SGK3: variants seen among roughly 807,000 people sequenced by gnomAD.
SGK3 encodes the protein serum/glucocorticoid regulated kinase family member 3.
A neutral mutation model predicts 68.5 loss-of-function variants in SGK3; 47 were observed. The observed-to-expected ratio is 0.69, with a 90% CI of 0.54 to 0.87. The LOEUF (loss-of-function observed/expected upper bound fraction) is 0.87. Among genes scored for constraint, SGK3 ranks in the 40% least tolerant of loss-of-function variants. The pLI, the probability that SGK3 is intolerant of heterozygous loss-of-function variation, is 0.00. For missense variants in SGK3, 479 were observed against 575.5 expected (o/e 0.83, Z 1.72); for synonymous variants, 181 against 189.1 (o/e 0.96, Z 0.35).
At position 66,778,859 on chromosome 8, in the gene SGK3, G is replaced by T. The variant is rs563229418; in HGVS notation, c.-121-14757G>T. On this transcript the variant is annotated intron_variant, in intron 1 of 16. Coordinates refer to ENST00000521198, the MANE Select transcript of SGK3 (RefSeq NM_001033578.3). ...TTTTAAAAGTACGCAGTAAATTCAG[G>T]AAACCATCAGGAGAAGACAACTTTA... is the stretch of plus-strand genomic sequence containing the variant. Among the ~76,000 whole-genome samples, 416 of 152,240 alleles carry T rather than the reference G, an allele frequency of 2.7e-3. 2 individuals are homozygous for T. Among genetic ancestry groups the T allele is most frequent in the Non-Finnish European group, 4.3e-3 (294 of 68,008 alleles).
chr8:66,739,607 G>A (rs1805423098), intron 1 of SGK3, among the ~76,000 whole-genome samples: 2 of 152,062 alleles, frequency 1.3e-5, no homozygotes, highest in Non-Finnish European at 1.5e-5. Context: ...TGTTGGCCAG[G>A]CTGGTCTTAA....
At chr8:66,718,057 A>G (rs1449275020) in intron 1 of SGK3, among the ~76,000 whole-genome samples, 2 of 140,540 alleles carry the variant, frequency 1.4e-5, no homozygotes, top group African/African-American at 5.3e-5. Context: ...ATGGAGTCTC[A>G]GTCTGTCACC....
chr8:66,810,680 A>G (rs1010914722), intron 4 of SGK3, among the ~76,000 whole-genome samples: 10 of 152,240 alleles, frequency 6.6e-5, no homozygotes, highest in Non-Finnish European at 1.5e-4. Context: ...CAGCCTAGGC[A>G]ACAAGAATGA....
intron 1 of SGK3, among the ~76,000 whole-genome samples, chr8:66,792,605 G>A (rs192660762): frequency 6.6e-6 from 1 of 152,228 alleles, no homozygotes; most frequent in African/African-American, 2.4e-5. Flanking sequence ...TAGTCTGGGT[G>A]CGGTGGCTCA....
chr8:66,857,799 ATGTGTGTGTGTGTGTGTGTGTGTG>A (rs111758415), intron 16 of SGK3, among the ~76,000 whole-genome samples: 3 of 133,714 alleles, frequency 2.2e-5, no homozygotes, highest in East Asian at 2.2e-4. Context: ...GTGTGTGTGT[ATGTGTGTGTGTGTGTGTGTGTGTG>A]TGTGTGTGTG....
rs759294219 is a variant in SGK3 at position 66,738,946 on chromosome 8, A to G, written c.-122+26113A>G. 5.3e-5 allele frequency among the ~76,000 whole-genome samples: 8 copies of G among 152,046 alleles called. No individual in the cohort carries two copies. The South Asian group carries it at 1.5e-3, about 28-fold the overall frequency. On this transcript the variant is annotated intron_variant, in intron 1 of 16. Transcript: ENST00000521198. ...CGCCCAGCCTAGAGTCACTTTCTTT[A>G]GGACATCTTTCCTGTAACCATTTTT...
chr8:66,848,240 G>A (rs1464994866), intron 15 of SGK3, among the ~76,000 whole-genome samples: 1 of 152,090 alleles, frequency 6.6e-6, no homozygotes, highest in East Asian at 1.9e-4. Flanking sequence ...GACAGAGATT[G>A]CAGCTCTAGA....
At chr8:66,741,657 AG>A (rs1805483466) in intron 1 of SGK3, among the ~76,000 whole-genome samples, 1 of 152,142 alleles carries the variant, frequency 6.6e-6, no homozygotes, top group Admixed American at 6.5e-5. Flanking sequence ...GCTTGAGCCT[AG>A]GAGTTTGAGA....
chr8:66,769,521 G>A (rs1201341447), intron 1 of SGK3, among the ~76,000 whole-genome samples: 1 of 152,190 alleles, frequency 6.6e-6, no homozygotes. Flanking sequence ...ACCGCACCCG[G>A]CCTTAATTCT....
intron 10 of SGK3, 28 bp from the exon 11 acceptor site, chr8:66,839,974 TC>T: frequency 6.3e-7 from 1 of 1,593,510 alleles, no homozygotes; most frequent in Admixed American, 1.7e-5. Context: ...ACATTCTCTC[TC>T]CCCCCACCCC....
chr8:66,845,179 A>G (rs1216837694), intron 14 of SGK3, among the ~76,000 whole-genome samples: 1 of 152,170 alleles, frequency 6.6e-6, no homozygotes, highest in Admixed American at 6.5e-5. Flanking sequence ...CAGGCAGATC[A>G]CCTTAGGTCA....
At chr8:66,821,976 T>C (rs1808849619) in intron 5 of SGK3, among the ~76,000 whole-genome samples, 1 of 94,280 alleles carries the variant, frequency 1.1e-5, no homozygotes, top group Non-Finnish European at 2.0e-5. Flanking sequence ...TGAACATTTC[T>C]CTTTCCCTAT....
Position 66,744,454 on chromosome 8 carries a change from C to G in SGK3, c.-122+31621C>G, listed in dbSNP as rs563654991. ...TATTTCTGTTATTTGGTGAAATTATCAAATATATATGCATATATGTGTGTG... is the reference window on the plus strand; with the variant it reads ...TATTTCTGTTATTTGGTGAAATTATGAAATATATATGCATATATGTGTGTG... On this transcript the variant is annotated intron_variant, in intron 1 of 16. Coordinates refer to ENST00000521198, the MANE Select transcript of SGK3 (RefSeq NM_001033578.3). Among the ~76,000 whole-genome samples, 353 of 111,558 alleles carry G rather than the reference C, an allele frequency of 3.2e-3. 3 individuals carry two copies. The highest frequency in any genetic ancestry group is 0.011 in the African/African-American group (346 of 32,384). The allele number at this position is 111,558 out of a possible 152,430, so 73.2% of individuals were successfully genotyped here. A position where few individuals can be genotyped will look rare whatever the true frequency, so the allele number is the denominator to read the frequency against.
chr8:66,801,955 G>A (rs1312908573), intron 3 of SGK3, among the ~76,000 whole-genome samples: 1 of 152,088 alleles, frequency 6.6e-6, no homozygotes, highest in Non-Finnish European at 1.5e-5. Context: ...ACTTGTTTGG[G>A]GTACCTCCAT....
chr8:66,771,041 C>CT (rs1806494911), intron 1 of SGK3, among the ~76,000 whole-genome samples: 1 of 152,146 alleles, frequency 6.6e-6, no homozygotes, highest in Non-Finnish European at 1.5e-5. Context: ...TTTTCTGTCT[C>CT]TTTTTCGTTT....
At chr8:66,813,146 T>A (rs1157679674) in intron 4 of SGK3, among the ~76,000 whole-genome samples, 1 of 152,058 alleles carries the variant, frequency 6.6e-6, no homozygotes, top group Admixed American at 6.6e-5. Flanking sequence ...CCTGGCTACT[T>A]GGCAGGCTGA....
At chr8:66,734,509 C>T (rs1278599722) in intron 1 of SGK3, among the ~76,000 whole-genome samples, 1 of 152,106 alleles carries the variant, frequency 6.6e-6, no homozygotes, top group African/African-American at 2.4e-5. Context: ...AGGAGGCAAA[C>T]CATCCAAAGG....
Position 66,781,256 on chromosome 8 carries a change from T to C in SGK3, c.-121-12360T>C, listed in dbSNP as rs572097702. ...GCTAGGACAGCCTTGCTGCCACTGCTACCATCTCTACCAGTCGGTTCTGGA... is the reference window on the plus strand; with the variant it reads ...GCTAGGACAGCCTTGCTGCCACTGCCACCATCTCTACCAGTCGGTTCTGGA... On this transcript the variant is annotated intron_variant, in intron 1 of 16. Transcript: ENST00000521198. Among the ~76,000 whole-genome samples, 7 of 152,334 alleles carry C rather than the reference T, an allele frequency of 4.6e-5. No individual in the cohort carries two copies. In the South Asian group the frequency reaches 1.4e-3, roughly 32 times the overall value.
In SGK3 at chr8:66,765,625, C is replaced by G. The variant is rs552584076; in HGVS notation, c.-121-27991C>G. On this transcript the variant is annotated intron_variant, in intron 1 of 16. Coordinates refer to ENST00000521198, the MANE Select transcript of SGK3 (RefSeq NM_001033578.3). ...CTAGTTTAGTGCACTCCACAACGTTCGATATGTTATTTTCATTTTCATTCA... is the reference window on the plus strand; with the variant it reads ...CTAGTTTAGTGCACTCCACAACGTTGGATATGTTATTTTCATTTTCATTCA... Among the ~76,000 whole-genome samples, 9 of 152,088 alleles carry G rather than the reference C, an allele frequency of 5.9e-5. No individual in the cohort carries two copies. The South Asian group carries it at 1.7e-3, about 28-fold the overall frequency.
Sources: gnomAD v4.1 joint callset for allele counts (sites outside exome capture counted in the v4.1 genomes callset) on GRCh38, gnomAD v4.1.1 for gene constraint, MANE v1.5 for transcripts, NCBI Gene and HGNC (gene_info 2026-07-23, HGNC 2026-07-21) for gene names.